The following BRINP1 variants were observed in gnomAD, a reference collection of about 807,000 sequenced individuals.
BRINP1 encodes BMP/retinoic acid-inducible neural-specific protein 1.
BRINP1 carries 17 observed loss-of-function variants against 72.9 expected under a neutral mutation model. The ratio of observed to expected loss-of-function variants is 0.23; its 90% CI spans 0.16 to 0.35. BRINP1 has a LOEUF of 0.35. Ranked by LOEUF, BRINP1 falls within the 10% of genes least tolerant of loss-of-function variation. The pLI, the probability that BRINP1 is intolerant of heterozygous loss-of-function variation, is 1.00. For missense variants in BRINP1, 850 were observed against 1,001.6 expected (o/e 0.85, Z 2.04); for synonymous variants, 418 against 378.5 (o/e 1.10, Z -1.21).
At chr9:119,175,397 G>C (rs1339836097) in intron 7 of BRINP1, among the ~76,000 whole-genome samples, 2 of 152,078 alleles carry the variant, frequency 1.3e-5, no homozygotes, top group African/African-American at 4.8e-5. Flanking sequence ...GGGAGAGATA[G>C]CATTAGGAGA....
At chr9:119,364,814 T>C (rs1831674233) in intron 1 of BRINP1, among the ~76,000 whole-genome samples, 1 of 152,264 alleles carries the variant, frequency 6.6e-6, no homozygotes, top group African/African-American at 2.4e-5. Context: ...AATATTCACT[T>C]CCAGGTAGGG....
At chr9:119,350,731 C>T (rs748153644) in intron 1 of BRINP1, among the ~76,000 whole-genome samples, 11 of 151,984 alleles carry the variant, frequency 7.2e-5, no homozygotes, top group Non-Finnish European at 1.6e-4. Flanking sequence ...AAGTACTAGC[C>T]CTGGCCGGCT....
At chr9:119,211,836 C>T (rs1174655988) in intron 6 of BRINP1, among the ~76,000 whole-genome samples, 1 of 152,172 alleles carries the variant, frequency 6.6e-6, no homozygotes, top group Admixed American at 6.5e-5. Context: ...GAAAGTGTGA[C>T]ATAAATCATT....
At chr9:119,218,398 C>T (rs1263831192) in intron 5 of BRINP1, among the ~76,000 whole-genome samples, 5 of 151,906 alleles carry the variant, frequency 3.3e-5, no homozygotes, top group Non-Finnish European at 5.9e-5. Context: ...TTGCCTCGGC[C>T]TCCCAAAGTG....
At chr9:119,265,396 T>A (rs763720639) in intron 2 of BRINP1, among the ~76,000 whole-genome samples, 17 of 151,910 alleles carry the variant, frequency 1.1e-4, no homozygotes, top group Non-Finnish European at 2.1e-4. Context: ...GATCAGAAGT[T>A]CAAGACCAGC....
rs1554751040 is a variant in BRINP1, at chr9:119,249,839, G to GAAGGAAGGAAGGAAGGAAGGAAGA, written c.219-690_219-689insTCTTCCTTCCTTCCTTCCTTCCTT. On this transcript the variant is annotated intron_variant, in intron 2 of 7. Coordinates refer to ENST00000265922, the MANE Select transcript of BRINP1 (RefSeq NM_014618.3). ...GGAAGGAAGGAAGGAAGGAAGGAAGGAAGGAAGGAAGGAAGGGAGGGAGGG... is the reference window on the plus strand; with the variant it reads ...GGAAGGAAGGAAGGAAGGAAGGAAGGAAGGAAGGAAGGAAGGAAGGAAGAAAGGAAGGAAGGAAGGGAGGGAGGG... Among the ~76,000 whole-genome samples the GAAGGAAGGAAGGAAGGAAGGAAGA allele has an allele frequency of 6.6e-4, 44 of 66,902 alleles. 2 individuals are homozygous for GAAGGAAGGAAGGAAGGAAGGAAGA. The highest frequency in any genetic ancestry group is 2.7e-3 in the African/African-American group (41 of 14,960). 43.9% of individuals were successfully genotyped at this position (66,902 alleles called of 152,430 possible).
chr9:119,189,224 G>A (rs552626472), intron 7 of BRINP1, among the ~76,000 whole-genome samples: 1 of 151,784 alleles, frequency 6.6e-6, no homozygotes, highest in Non-Finnish European at 1.5e-5. Context: ...CAGCACTACA[G>A]AAAATCACCA....
chr9:119,167,813 C>A lies in BRINP1; in HGVS notation c.1557G>T (p.Arg519=). 1 of 1,613,694 alleles carries A rather than the reference C, an allele frequency of 6.2e-7. No individual in the cohort carries two copies. The highest frequency in any genetic ancestry group is 8.5e-7 in the Non-Finnish European group (1 of 1,179,994). Residue 519 remains arginine, a synonymous_variant, in exon 8 of 8, where the codon CGG becomes CGT. Transcript: ENST00000265922. The surrounding 1 kb of genome is among the most constrained non-coding windows in gnomAD (Gnocchi z 4.3). ...GAGTGAGGGACATGCGCTTGCGCCACCGAGGGTCAAAGAAGGTGTCGAGGC... is the reference window on the plus strand; with the variant it reads ...GAGTGAGGGACATGCGCTTGCGCCAACGAGGGTCAAAGAAGGTGTCGAGGC... The part of the protein sequence containing the change: ...EIRLDTFFDP[R]WRKRMSLTLK...
intron 2 of BRINP1, among the ~76,000 whole-genome samples, chr9:119,279,307 A>G (rs1830685818): frequency 1.3e-5 from 2 of 152,234 alleles, no homozygotes; most frequent in South Asian, 4.1e-4. Context: ...CCACTCCTTT[A>G]GAACTCAACT....
intron 2 of BRINP1, among the ~76,000 whole-genome samples, chr9:119,284,376 T>G (rs1281392883): frequency 3.3e-5 from 5 of 152,218 alleles, no homozygotes; most frequent in Non-Finnish European, 5.9e-5. Flanking sequence ...TCAGCCATCC[T>G]CTGAGTTGCA....
chr9:119,319,161 T>A (rs140182973), intron 1 of BRINP1, among the ~76,000 whole-genome samples: 2,164 of 152,144 alleles, frequency 0.014, 39 homozygotes, highest in South Asian at 0.089. Flanking sequence ...TTTTTACAGA[T>A]CATAACCTGA....
chr9:119,294,655 CAGG>C (rs952588374), intron 2 of BRINP1, among the ~76,000 whole-genome samples: 2 of 152,096 alleles, frequency 1.3e-5, no homozygotes, highest in African/African-American at 2.4e-5. Flanking sequence ...CACCTGGGGT[CAGG>C]AGTTTGAGAC....
intron 5 of BRINP1, among the ~76,000 whole-genome samples, chr9:119,223,799 A>T (rs1045694195): frequency 1.3e-5 from 2 of 152,062 alleles, no homozygotes; most frequent in African/African-American, 4.8e-5. Flanking sequence ...GGCTTTTTAA[A>T]TTTCATCTCA....
chr9:119,207,814 T>C (rs1357414177), intron 7 of BRINP1, among the ~76,000 whole-genome samples: 1 of 152,138 alleles, frequency 6.6e-6, no homozygotes, highest in Non-Finnish European at 1.5e-5. Flanking sequence ...TAGAACTAAA[T>C]TGAAGGTAGA....
chr9:119,357,367 GAA>G (rs1831579203), intron 1 of BRINP1, among the ~76,000 whole-genome samples: 1 of 152,208 alleles, frequency 6.6e-6, no homozygotes, highest in Non-Finnish European at 1.5e-5. Context: ...TTGCTGGCTT[GAA>G]AAAGTGTTAC....
At chr9:119,294,853 T>TTTAAAAAAA (rs1354198615) in intron 2 of BRINP1, among the ~76,000 whole-genome samples, 4 of 128,024 alleles carry the variant, frequency 3.1e-5, no homozygotes, top group East Asian at 2.3e-4. Flanking sequence ...GACACTACGT[T>TTTAAAAAAA]AAAAAAAAAA....
chr9:119,367,193 A>ATGTGTGTG (rs10656214), intron 1 of BRINP1, among the ~76,000 whole-genome samples: 78 of 111,592 alleles, frequency 7.0e-4, no homozygotes, highest in African/African-American at 2.1e-3. Context: ...ATATGAACAC[A>ATGTGTGTG]TGTGTGTGTG....
chr9:119,315,679 C>T (rs1429558716), intron 1 of BRINP1, among the ~76,000 whole-genome samples: 1 of 152,168 alleles, frequency 6.6e-6, no homozygotes, highest in African/African-American at 2.4e-5. Flanking sequence ...GCTCTTGCAC[C>T]AGTTAGCCAC....
At chr9:119,259,453 A>C (rs1293433823) in intron 2 of BRINP1, among the ~76,000 whole-genome samples, 3 of 152,256 alleles carry the variant, frequency 2.0e-5, no homozygotes, top group Non-Finnish European at 4.4e-5. Context: ...TGGATAGTTT[A>C]AATGATCTTA....
Sources: gnomAD v4.1 joint callset for allele counts (sites outside exome capture counted in the v4.1 genomes callset) on GRCh38, gnomAD v4.1.1 for gene constraint, Gnocchi (gnomAD v3.1) non-coding constraint, MANE v1.5 for transcripts, NCBI Gene and HGNC (gene_info 2026-07-23, HGNC 2026-07-21) for gene names.